The following ICOS variants were observed in gnomAD, a reference collection of about 807,000 sequenced individuals.
ICOS encodes the protein inducible T cell costimulator, also known as inducible T-cell costimulator.
In ICOS, 15 loss-of-function variants were observed where a neutral mutation model predicts 24.6. The ratio of observed to expected loss-of-function variants is 0.61; its 90% CI spans 0.41 to 0.94. ICOS has a LOEUF of 0.94. ICOS is among the 40% of genes least tolerant of loss of function. ICOS has a pLI of 0.00. For missense variants in ICOS, 200 were observed against 233.0 expected, an observed-to-expected ratio of 0.86 and a Z score of 0.92; for synonymous variants, 89 against 77.5, an observed-to-expected ratio of 1.15 and a Z score of -0.78.
chr2:203,956,913 C>T (rs1690087387), intron 3 of ICOS, 148 bp downstream of exon 3: 1 of 656,960 alleles, frequency 1.5e-6, no homozygotes, highest in Non-Finnish European at 2.8e-6. Flanking sequence ...ACTAATTAAA[C>T]TAATCACTTG....
At chr2:203,946,343 A>G (rs1044955138) in intron 1 of ICOS, among the ~76,000 whole-genome samples, 1 of 151,568 alleles carries the variant, frequency 6.6e-6, no homozygotes, top group Non-Finnish European at 1.5e-5. Context: ...GAGTAAAACA[A>G]TGCACACATT....
chr2:203,939,969 T>C (rs1689734346), intron 1 of ICOS, among the ~76,000 whole-genome samples: 1 of 152,204 alleles, frequency 6.6e-6, no homozygotes, highest in South Asian at 2.1e-4. Flanking sequence ...TATTTTTCTT[T>C]GTTGTATCCT....
intron 1 of ICOS, among the ~76,000 whole-genome samples, chr2:203,941,868 T>C (rs909077205): frequency 6.6e-6 from 1 of 152,132 alleles, no homozygotes. Flanking sequence ...TTTTCAATAG[T>C]TTGGCCTGTA....
intron 1 of ICOS, among the ~76,000 whole-genome samples, chr2:203,940,232 T>A (rs6736298): frequency 6.6e-6 from 1 of 152,046 alleles, no homozygotes; most frequent in African/African-American, 2.4e-5. Context: ...ACTCTCACAC[T>A]TCCCCCAGAC....
intron 1 of ICOS, among the ~76,000 whole-genome samples, chr2:203,939,757 G>A (rs1373807906): frequency 2.6e-5 from 4 of 152,120 alleles, no homozygotes; most frequent in African/African-American, 4.8e-5. Flanking sequence ...AGAAGTCTGT[G>A]AAGATGACTG....
intron 1 of ICOS, among the ~76,000 whole-genome samples, chr2:203,943,379 T>C (rs1441574915): frequency 3.3e-5 from 5 of 152,048 alleles, no homozygotes; most frequent in Non-Finnish European, 7.4e-5. Flanking sequence ...CCCCTTTTCC[T>C]ATGTATGTGG....
intron 1 of ICOS, 111 bp from the exon 2 acceptor site, chr2:203,955,525 G>A: frequency 1.2e-6 from 1 of 822,696 alleles, no homozygotes; most frequent in Non-Finnish European, 2.0e-6. Context: ...TCATTTTGGT[G>A]CAACAGAGAT....
At chr2:203,956,186 A>G (rs772546431) in intron 2 of ICOS, among the ~76,000 whole-genome samples, 7 of 152,178 alleles carry the variant, frequency 4.6e-5, no homozygotes, top group Non-Finnish European at 8.8e-5. Flanking sequence ...AATCCCATAG[A>G]CTGCTAAGTC....
chr2:203,939,415 A>G (rs1226405742), intron 1 of ICOS, among the ~76,000 whole-genome samples: 3 of 152,136 alleles, frequency 2.0e-5, no homozygotes, highest in African/African-American at 7.2e-5. Context: ...ACTTTTAATT[A>G]TAAAAATATC....
At chr2:203,940,960 A>G (rs1413862733) in intron 1 of ICOS, among the ~76,000 whole-genome samples, 3 of 151,604 alleles carry the variant, frequency 2.0e-5, no homozygotes, top group African/African-American at 7.3e-5. Flanking sequence ...ATTTTTTTGT[A>G]TTTTTCGTAG....
chr2:203,943,458 G>A (rs1399946100), intron 1 of ICOS, among the ~76,000 whole-genome samples: 3 of 152,024 alleles, frequency 2.0e-5, no homozygotes, highest in African/African-American at 4.8e-5. Context: ...AAATCTACCC[G>A]GCTCTGGGCT....
chr2:203,945,064 A>G (rs1335118345), intron 1 of ICOS, among the ~76,000 whole-genome samples: 1 of 152,190 alleles, frequency 6.6e-6, no homozygotes. Flanking sequence ...GTCAAGCCAG[A>G]TATATATATT....
chr2:203,942,554 TTAAAA>T (rs1444680649), intron 1 of ICOS, among the ~76,000 whole-genome samples: 1 of 152,206 alleles, frequency 6.6e-6, no homozygotes, highest in African/African-American at 2.4e-5. Context: ...CTAAGTCACT[TTAAAA>T]TAATTTTTTG....
intron 3 of ICOS, among the ~76,000 whole-genome samples, chr2:203,957,138 C>T (rs1375107686): frequency 6.6e-6 from 1 of 152,134 alleles, no homozygotes; most frequent in Non-Finnish European, 1.5e-5. Flanking sequence ...GAATTTGAAT[C>T]CAAGGTTCCT....
At position 203,959,950 on chromosome 2, in the gene ICOS, A is replaced by G. The variant is rs1046176978; in HGVS notation, c.*351A>G. 1.3e-5 allele frequency: 5 copies of G among 383,484 alleles called. No individual in the cohort carries two copies. The highest frequency in any genetic ancestry group is 2.5e-5 in the Non-Finnish European group (5 of 200,928). 23.8% of individuals were successfully genotyped at this position (383,484 alleles called of 1,614,324 possible). On this transcript the variant is annotated 3_prime_UTR_variant, in exon 5 of 5. Transcript: ENST00000316386. Reference sequence around the variant, plus strand: ...ACAAGAAAAATGTTTTAAAGATGCCAGGGGTACTGAATCTGCAAAGCAAAT... The same window carrying G: ...ACAAGAAAAATGTTTTAAAGATGCCGGGGGTACTGAATCTGCAAAGCAAAT...
intron 1 of ICOS, among the ~76,000 whole-genome samples, chr2:203,943,533 A>G (rs1266475004): frequency 6.6e-6 from 1 of 152,162 alleles, no homozygotes. Context: ...TCAGCCATGG[A>G]TACCAGTGCT....
intron 3 of ICOS, among the ~76,000 whole-genome samples, chr2:203,957,534 A>G (rs939329774): frequency 2.6e-5 from 4 of 152,212 alleles, no homozygotes; most frequent in Non-Finnish European, 5.9e-5. Flanking sequence ...GACATAAAGA[A>G]GGAAGAGAAT....
chr2:203,942,689 A>G (rs1012146629), intron 1 of ICOS, among the ~76,000 whole-genome samples: 1 of 152,206 alleles, frequency 6.6e-6, no homozygotes, highest in African/African-American at 2.4e-5. Flanking sequence ...CCTGAAATTC[A>G]TTTTCATATC....
chr2:203,940,477 T>C (rs1224433186), intron 1 of ICOS, among the ~76,000 whole-genome samples: 1 of 152,170 alleles, frequency 6.6e-6, no homozygotes, highest in Non-Finnish European at 1.5e-5. Context: ...TACCCCCAAC[T>C]CTCTGAATTC....
Sources: allele counts gnomAD v4.1 joint callset (sites outside exome capture counted in the v4.1 genomes callset), GRCh38; gene constraint gnomAD v4.1.1; transcripts MANE v1.5; gene names NCBI Gene and HGNC (gene_info 2026-07-23, HGNC 2026-07-21).